SGF29: variants seen among roughly 807,000 people sequenced by gnomAD.
SGF29 encodes SAGA complex associated factor 29.
Under a neutral mutation model 38.1 loss-of-function variants are expected in SGF29, and 15 were observed. That is an observed-to-expected ratio of 0.39 (90% CI 0.26 to 0.61). The LOEUF is 0.61. Among genes scored for constraint, SGF29 ranks in the 20% least tolerant of loss-of-function variants. SGF29 has a pLI of 0.49. For synonymous variants in SGF29, 151 were observed against 160.8 expected, an observed-to-expected ratio of 0.94 and a Z score of 0.46; for missense variants, 184 against 394.6, an observed-to-expected ratio of 0.47 and a Z score of 4.52.
rs67340371 is a variant in SGF29 at position 28,553,948 on chromosome 16, GA to G, written c.-157del. 75,277 of 151,900 alleles carry G rather than the reference GA, an allele frequency of 0.5. 19,292 individuals are homozygous for G. Among genetic ancestry groups the G allele is most frequent in the Admixed American group, 0.54 (8,267 of 15,248 alleles). 9.4% of individuals were successfully genotyped at this position (151,900 alleles called of 1,614,324 possible). A position where few individuals can be genotyped will look rare whatever the true frequency, so the allele number is the denominator to read the frequency against. The stretch of plus-strand genomic sequence containing the variant: ...CCGCGCGCGACTACGCTCATAAAAG[GA>G]AAAAAAAGCGTGTGCGGTTCTCGAC... On this transcript the variant is annotated 5_prime_UTR_variant, in exon 1 of 10. Coordinates refer to ENST00000317058, the MANE Select transcript of SGF29 (RefSeq NM_138414.3).
At position 28,563,852 on chromosome 16, in the gene SGF29, C is replaced by G. The variant is rs550932227; in HGVS notation, c.-16+9755C>G. ...TCTCCTGCCTCAGCCTCCTGAGTAGCTGGGACTGCAGGTGTTCCTGAGTAG... is the reference window on the plus strand; with the variant it reads ...TCTCCTGCCTCAGCCTCCTGAGTAGGTGGGACTGCAGGTGTTCCTGAGTAG... On this transcript the variant is annotated intron_variant, in intron 1 of 9. Transcript: ENST00000317058. 6.6e-5 allele frequency among the ~76,000 whole-genome samples: 10 copies of G among 151,654 alleles called. No homozygotes were observed. The South Asian group carries it at 1.5e-3, about 22-fold the overall frequency.
chr16:28,584,800 A>T (rs1322786777), intron 2 of SGF29, 113 bp from the exon 3 acceptor site: 1 of 669,506 alleles, frequency 1.5e-6, no homozygotes, highest in African/African-American at 1.9e-5. Flanking sequence ...AAAAAAAAAA[A>T]AAAAAAAGAA....
At position 28,585,735 on chromosome 16, in the gene SGF29, C is replaced by T. The variant is rs376506818; in HGVS notation, c.224+15C>T. 3.2e-5 allele frequency: 52 copies of T among 1,612,818 alleles called. No individual in the cohort carries two copies. Among genetic ancestry groups the T allele is most frequent in the Non-Finnish European group, 4.3e-5 (51 of 1,178,872 alleles). ...GCTGAGTGCAAGTGAGTACCGTGCA[C>T]CCACTTCATCGCCGCTCCCTCCTTT... On this transcript the variant is annotated intron_variant, in intron 4 of 9. Coordinates refer to ENST00000317058, the MANE Select transcript of SGF29 (RefSeq NM_138414.3).
chr16:28,557,703 G>A (rs2046761051), intron 1 of SGF29, among the ~76,000 whole-genome samples: 1 of 152,162 alleles, frequency 6.6e-6, no homozygotes, highest in South Asian at 2.1e-4. Flanking sequence ...GGTGGATAGT[G>A]TTGGAAATAA....
intron 1 of SGF29, among the ~76,000 whole-genome samples, chr16:28,564,539 G>GTATATATATAAGTATA (rs201825145): frequency 1.1e-5 from 1 of 89,044 alleles, no homozygotes; most frequent in African/African-American, 3.9e-5. Context: ...ATATATATAT[G>GTATATATATAAGTATA]TATATATATA....
intron 4 of SGF29, 106 bp downstream of exon 4, chr16:28,585,826 C>A: frequency 9.7e-7 from 1 of 1,026,546 alleles, no homozygotes; most frequent in Non-Finnish European, 1.5e-6. Flanking sequence ...CATGGATAAG[C>A]TGATTGCTAC....
rs1241253296 is a variant in SGF29 at position 28,554,035 on chromosome 16, G to A, written c.-78G>A. The A allele has an allele frequency of 6.6e-6, 1 of 152,364 alleles. No homozygotes were observed. Among genetic ancestry groups the A allele is most frequent in the Non-Finnish European group, 1.5e-5 (1 of 68,052 alleles). The allele number at this position is 152,364 out of a possible 1,614,324, so 9.4% of individuals were successfully genotyped here. ...CCGCAGACTCCGAAAAAGGGTTCGAGGAACGCGCCTGCTCCCCTCGTCGCA... is the reference window on the plus strand; with the variant it reads ...CCGCAGACTCCGAAAAAGGGTTCGAAGAACGCGCCTGCTCCCCTCGTCGCA... On this transcript the variant is annotated 5_prime_UTR_variant, in exon 1 of 10. Coordinates refer to ENST00000317058, the MANE Select transcript of SGF29 (RefSeq NM_138414.3).
chr16:28,558,936 G>A (rs2046768977), intron 1 of SGF29, among the ~76,000 whole-genome samples: 1 of 152,192 alleles, frequency 6.6e-6, no homozygotes, highest in African/African-American at 2.4e-5. Context: ...AAGGTTTTAA[G>A]GAGAGTTGGT....
In SGF29 at chr16:28,590,153, G is replaced by A; in HGVS notation, c.347G>A (p.Arg116Lys). 6.2e-7 allele frequency: 1 copy of A among 1,611,678 alleles called. No homozygotes were observed. The highest frequency in any genetic ancestry group is 2.2e-5 in the East Asian group (1 of 44,786). ...DSEPPRKTMRRGVLMTLLQQS... is the reference protein window; with the variant it reads ...DSEPPRKTMRKGVLMTLLQQS... ...GAGCCACCCCGGAAGACCATGCGCA[G>A]AGGGGTGCTGATGACCCTGCTGCAG... Residue 116 changes from arginine to lysine, a missense_variant, in exon 6 of 10, where the codon AGA becomes AAA. Physicochemically the swap from Arg to Lys is conservative, Grantham distance 26. This residue lies in a region of SGF29 where 107 missense variants were observed against 276.9 expected (regional missense o/e 0.39). Coordinates refer to ENST00000317058, the MANE Select transcript of SGF29 (RefSeq NM_138414.3). This position sits in a 1 kb window ranked among gnomAD's most constrained non-coding sequence, Gnocchi z 8.2.
intron 1 of SGF29, among the ~76,000 whole-genome samples, chr16:28,580,388 T>G (rs1272126239): frequency 6.6e-6 from 1 of 152,140 alleles, no homozygotes; most frequent in Non-Finnish European, 1.5e-5. Context: ...AGATGTCAGC[T>G]TGGTTCCAAA....
chr16:28,561,007 C>G (rs1399208538), intron 1 of SGF29, among the ~76,000 whole-genome samples: 1 of 150,720 alleles, frequency 6.6e-6, no homozygotes, highest in Non-Finnish European at 1.5e-5. Flanking sequence ...CCCAAGAGGA[C>G]CCAGATGTTG....
At chr16:28,581,233 A>T in intron 2 of SGF29, 89 bp downstream of exon 2, 2 of 1,247,768 alleles carry the variant, frequency 1.6e-6, no homozygotes, top group Non-Finnish European at 2.3e-6. Context: ...GTTCAGAGAG[A>T]TTGGACTCGC....
chr16:28,562,734 C>T (rs2046796950), intron 1 of SGF29, among the ~76,000 whole-genome samples: 1 of 151,746 alleles, frequency 6.6e-6, no homozygotes, highest in Non-Finnish European at 1.5e-5. Flanking sequence ...AAGACCTCAT[C>T]TCTACAAAAA....
Position 28,564,752 on chromosome 16 carries a change from T to A in SGF29, c.-16+10655T>A, listed in dbSNP as rs1270175503. ...ACATATATATGTATATATGTATATA[T>A]ATGTATATATGTATATATATGTATA... is the stretch of plus-strand genomic sequence containing the variant. On this transcript the variant is annotated intron_variant, in intron 1 of 9. Transcript: ENST00000317058. Among the ~76,000 whole-genome samples, 2 of 74,542 alleles carry A rather than the reference T, an allele frequency of 2.7e-5. 1 individual carries two copies. The highest frequency in any genetic ancestry group is 5.5e-5 in the Non-Finnish European group (2 of 36,462). The allele number at this position is 74,542 out of a possible 152,430, so 48.9% of individuals were successfully genotyped here.
At chr16:28,576,658 C>T (rs1175947439) in intron 1 of SGF29, among the ~76,000 whole-genome samples, 1 of 151,850 alleles carries the variant, frequency 6.6e-6, no homozygotes, top group South Asian at 2.1e-4. Flanking sequence ...CGAGATCACA[C>T]CACTGCACTC....
rs1567286284 is a variant in SGF29 at position 28,564,786 on chromosome 16, T to TATGTATATATAC, written c.-16+10690_-16+10691insTGTATATATACA. Among the ~76,000 whole-genome samples the TATGTATATATAC allele has an allele frequency of 6.1e-4, 67 of 110,362 alleles. 3 individuals carry two copies. The highest frequency in any genetic ancestry group is 1.0e-3 in the Non-Finnish European group (56 of 53,560). 72.4% of individuals were successfully genotyped at this position (110,362 alleles called of 152,430 possible). A position where few individuals can be genotyped will look rare whatever the true frequency, so the allele number is the denominator to read the frequency against. ...ATGTATATATATGTATATATATATA[T>TATGTATATATAC]ACACACACACACACACACACAAACA... On this transcript the variant is annotated intron_variant, in intron 1 of 9. Transcript: ENST00000317058.
chr16:28,559,310 G>C (rs1291541244), intron 1 of SGF29, among the ~76,000 whole-genome samples: 2 of 152,144 alleles, frequency 1.3e-5, no homozygotes, highest in Admixed American at 6.6e-5. Context: ...ATGAGAGTGA[G>C]ACCCTGTCTC....
intron 1 of SGF29, among the ~76,000 whole-genome samples, chr16:28,566,250 G>A (rs939677059): frequency 1.3e-5 from 2 of 150,840 alleles, no homozygotes; most frequent in African/African-American, 4.9e-5. Flanking sequence ...CTCCAGCCTG[G>A]GCAACAGATC....
chr16:28,564,576 TAC>T lies in SGF29; in HGVS notation c.-16+10482_-16+10483del, dbSNP rs1229411072. Reference sequence around the variant, plus strand: ...GTATATATATATATACGTATATATATACACGTATATATATACACACATATATG... The same window carrying T: ...GTATATATATATATACGTATATATATACGTATATATATACACACATATATG... On this transcript the variant is annotated intron_variant, in intron 1 of 9. Transcript: ENST00000317058. 1.3e-3 allele frequency among the ~76,000 whole-genome samples: 168 copies of T among 132,212 alleles called. 1 individual carries two copies. The highest frequency in any genetic ancestry group is 1.9e-3 in the African/African-American group (70 of 36,218). 86.7% of individuals were successfully genotyped at this position (132,212 alleles called of 152,430 possible). A position where few individuals can be genotyped will look rare whatever the true frequency, so the allele number is the denominator to read the frequency against.
Sources: allele counts gnomAD v4.1 joint callset (sites outside exome capture counted in the v4.1 genomes callset), GRCh38; gene constraint gnomAD v4.1.1; regional missense constraint gnomAD v4.1.1; non-coding constraint Gnocchi (gnomAD v3.1); transcripts MANE v1.5; gene names NCBI Gene and HGNC (gene_info 2026-07-23, HGNC 2026-07-21).